OMA1: variants seen among roughly 807,000 people sequenced by gnomAD.
The protein encoded by OMA1 is OMA1 zinc metallopeptidase.
In OMA1, 38 loss-of-function variants were observed where a neutral mutation model predicts 30.9. That is an observed-to-expected ratio of 1.23 (90% CI 0.95 to 1.61). The LOEUF (loss-of-function observed/expected upper bound fraction) is 1.61, where lower values mean the gene tolerates loss of function less well. Ranked by LOEUF, OMA1 falls within the 40% of genes most tolerant of loss-of-function variation. The pLI is 0.00. For missense variants in OMA1, 461 were observed against 349.2 expected, an observed-to-expected ratio of 1.32 and a Z score of -2.55; for synonymous variants, 173 against 121.9, an observed-to-expected ratio of 1.42 and a Z score of -2.76.
chr1:58,533,675 A>T (rs928437231), intron 5 of OMA1, among the ~76,000 whole-genome samples: 2 of 152,190 alleles, frequency 1.3e-5, no homozygotes, highest in Non-Finnish European at 2.9e-5. Flanking sequence ...ATTTAATTTG[A>T]AATAATTAGG....
At chr1:58,492,026 C>T (rs1040617502) in intron 8 of OMA1, among the ~76,000 whole-genome samples, 2 of 152,134 alleles carry the variant, frequency 1.3e-5, no homozygotes, top group Middle Eastern at 3.2e-3. Flanking sequence ...TAAAGCACTC[C>T]TCAGCAAATT....
intron 6 of OMA1, 32 bp from the exon 7 acceptor site, chr1:58,527,367 GAC>G (rs1235744942): frequency 1.2e-6 from 1 of 862,742 alleles, no homozygotes; most frequent in African/African-American, 1.6e-5. Flanking sequence ...GCTCCATTAA[GAC>G]AATTTATTTC....
chr1:58,498,118 T>G (rs1252386529), intron 8 of OMA1, among the ~76,000 whole-genome samples: 1 of 152,122 alleles, frequency 6.6e-6, no homozygotes, highest in Non-Finnish European at 1.5e-5. Flanking sequence ...ATGAAGCAAG[T>G]GTATAAAAGG....
intron 8 of OMA1, among the ~76,000 whole-genome samples, chr1:58,483,694 C>T (rs1376819234): frequency 6.6e-6 from 1 of 152,170 alleles, no homozygotes; most frequent in East Asian, 1.9e-4. Context: ...AGATCCTCAG[C>T]TAAACGGTGA....
At chr1:58,507,278 GA>G (rs1321586793) in intron 7 of OMA1, among the ~76,000 whole-genome samples, 1 of 151,452 alleles carries the variant, frequency 6.6e-6, no homozygotes, top group Non-Finnish European at 1.5e-5. Flanking sequence ...TTAAAACTAA[GA>G]AAAAATATAT....
chr1:58,494,380 A>G (rs1305211930), intron 8 of OMA1, among the ~76,000 whole-genome samples: 1 of 152,114 alleles, frequency 6.6e-6, no homozygotes, highest in African/African-American at 2.4e-5. Flanking sequence ...TGTCTAAAAC[A>G]CCAAAAGCAA....
chr1:58,483,512 G>C (rs112330285), intron 8 of OMA1, among the ~76,000 whole-genome samples: 501 of 152,302 alleles, frequency 3.3e-3, no homozygotes, highest in South Asian at 0.012. Flanking sequence ...TACTTAACGT[G>C]AAATTCTTCA....
At chr1:58,516,794 CAT>C (rs1253559445) in intron 7 of OMA1, among the ~76,000 whole-genome samples, 6 of 152,124 alleles carry the variant, frequency 3.9e-5, no homozygotes, top group Non-Finnish European at 8.8e-5. Context: ...ACAAGATTGA[CAT>C]AAAATCAGAA....
chr1:58,481,051 T>C lies in OMA1; in HGVS notation c.1489A>G (p.Lys497Glu). The change falls in exon 9 of 9, where the codon AAG becomes GAG. Residue 497 changes from lysine (K) to glutamate (E), a missense_variant. Physicochemically the swap from Lys to Glu is moderately conservative, Grantham distance 56. Coordinates refer to ENST00000371226, the MANE Select transcript of OMA1 (RefSeq NM_145243.5). The stretch of plus-strand genomic sequence containing the variant: ...GGAAGAGTATCCATTTTCTGTTTCT[T>C]CGTGATATTTAGGTCTTCTTTCTCT... ...ESEKEDLNIT[K>E]KQKMDTLPIQ... The C allele has an allele frequency of 1.1e-6, 1 of 872,082 alleles. No individual in the cohort carries two copies. The highest frequency in any genetic ancestry group is 2.0e-6 in the Non-Finnish European group (1 of 501,294). The allele number at this position is 872,082 out of a possible 1,614,324, so 54.0% of individuals were successfully genotyped here.
chr1:58,490,088 C>T (rs184265143), intron 8 of OMA1, among the ~76,000 whole-genome samples: 1,670 of 152,286 alleles, frequency 0.011, 33 homozygotes, highest in African/African-American at 0.038. Context: ...CAAAGCTGGA[C>T]GCAGAATGAC....
chr1:58,491,745 G>C (rs1460393299), intron 8 of OMA1, among the ~76,000 whole-genome samples: 1 of 152,138 alleles, frequency 6.6e-6, no homozygotes, highest in Non-Finnish European at 1.5e-5. Context: ...CCCAATACAG[G>C]AGCACCCAGA....
intron 8 of OMA1, among the ~76,000 whole-genome samples, chr1:58,495,607 G>C (rs141501256): frequency 2.0e-5 from 3 of 151,832 alleles, no homozygotes; most frequent in African/African-American, 7.2e-5. Flanking sequence ...TCTAATTCCT[G>C]ATTGTCAGTA....
At chr1:58,489,474 C>T (rs563347930) in intron 8 of OMA1, among the ~76,000 whole-genome samples, 92 of 152,356 alleles carry the variant, frequency 6.0e-4, no homozygotes, top group Non-Finnish European at 3.8e-4. Flanking sequence ...CCCACTGCAG[C>T]TCAAGGAGGC....
chr1:58,524,120 T>C (rs1422301777), intron 7 of OMA1, among the ~76,000 whole-genome samples: 2 of 152,212 alleles, frequency 1.3e-5, no homozygotes, highest in Non-Finnish European at 2.9e-5. Flanking sequence ...CAACTCCATT[T>C]CCGCAAAACA....
At chr1:58,501,475 A>C (rs1293306348) in intron 8 of OMA1, among the ~76,000 whole-genome samples, 1 of 152,158 alleles carries the variant, frequency 6.6e-6, no homozygotes, top group African/African-American at 2.4e-5. Flanking sequence ...AACAAAAGCC[A>C]AAGTCCTTAC....
At chr1:58,505,645 T>G (rs1645976574) in intron 8 of OMA1, among the ~76,000 whole-genome samples, 2 of 152,184 alleles carry the variant, frequency 1.3e-5, no homozygotes, top group African/African-American at 4.8e-5. Flanking sequence ...GTACCACTAC[T>G]ACAATTAATA....
At chr1:58,540,024 G>A (rs1342751662) in intron 1 of OMA1, among the ~76,000 whole-genome samples, 1 of 152,072 alleles carries the variant, frequency 6.6e-6, no homozygotes, top group African/African-American at 2.4e-5. Flanking sequence ...AAATTCCCTG[G>A]AGCTGGGAAA....
chr1:58,493,000 C>T (rs1441662967), intron 8 of OMA1, among the ~76,000 whole-genome samples: 2 of 152,050 alleles, frequency 1.3e-5, no homozygotes, highest in African/African-American at 4.8e-5. Context: ...TGATGAACAT[C>T]AATGCAAAAA....
At chr1:58,525,085 T>C (rs1646328824) in intron 7 of OMA1, among the ~76,000 whole-genome samples, 1 of 152,218 alleles carries the variant, frequency 6.6e-6, no homozygotes, top group Non-Finnish European at 1.5e-5. Flanking sequence ...CAACTGCAAA[T>C]GGCACCATGT....
Sources: gnomAD v4.1 joint callset for allele counts (sites outside exome capture counted in the v4.1 genomes callset) on GRCh38, gnomAD v4.1.1 for gene constraint, MANE v1.5 for transcripts, NCBI Gene and HGNC (gene_info 2026-07-23, HGNC 2026-07-21) for gene names.